Variants in AP1M1 observed in about 807,000 individuals in gnomAD.
The protein encoded by AP1M1 is AP-1 complex subunit mu-1.
A neutral mutation model predicts 57.1 loss-of-function variants in AP1M1; 18 were observed. That is an observed-to-expected ratio of 0.32 (90% CI 0.22 to 0.47). AP1M1 has a LOEUF of 0.47. Ranked by LOEUF, AP1M1 falls within the 20% of genes least tolerant of loss-of-function variation. The probability of loss-of-function intolerance (pLI) is 1.00; values close to 1 mark genes in which losing one functional copy is unlikely to be tolerated. For synonymous variants in AP1M1, 241 were observed against 237.9 expected, an observed-to-expected ratio of 1.01 and a Z score of -0.12; for missense variants, 362 against 593.5, an observed-to-expected ratio of 0.61 and a Z score of 4.05.
chr19:16,213,222 C>G (rs893958760), intron 5 of AP1M1, among the ~76,000 whole-genome samples: 2 of 152,198 alleles, frequency 1.3e-5, no homozygotes, highest in Non-Finnish European at 2.9e-5. Context: ...GTGTGGGAGT[C>G]TAAGTCTCTT....
chr19:16,211,116 A>G (rs913629165), intron 5 of AP1M1, among the ~76,000 whole-genome samples: 8 of 140,950 alleles, frequency 5.7e-5, no homozygotes, highest in African/African-American at 1.9e-4. Context: ...TTTTTTTTCG[A>G]CAGAGTCTCA....
At chr19:16,215,700 G>C (rs1287454673) in intron 5 of AP1M1, among the ~76,000 whole-genome samples, 1 of 151,962 alleles carries the variant, frequency 6.6e-6, no homozygotes, top group African/African-American at 2.4e-5. Context: ...CCCTGATTTT[G>C]AATATTGGCC....
intron 9 of AP1M1, among the ~76,000 whole-genome samples, chr19:16,231,605 T>C (rs533443894): frequency 7.8e-6 from 1 of 127,962 alleles, no homozygotes; most frequent in African/African-American, 2.6e-5. Flanking sequence ...AATTTGTGTA[T>C]TTTTAGTAGA....
At position 16,240,067 on chromosome 19, in the gene AP1M1, T is replaced by A. The variant is rs1028803609; in HGVS notation, c.*5632T>A. Reference sequence around the variant, plus strand: ...TCATTATTCCTTAAATAATACAGTATAATGATTATGTAGCATCTACATTGT... The same window carrying A: ...TCATTATTCCTTAAATAATACAGTAAAATGATTATGTAGCATCTACATTGT... On this transcript the variant is annotated 3_prime_UTR_variant, in exon 12 of 12. Coordinates refer to ENST00000291439, the MANE Select transcript of AP1M1 (RefSeq NM_032493.4). The A allele has an allele frequency of 3.9e-5, 6 of 152,226 alleles. No homozygotes were observed. The highest frequency in any genetic ancestry group is 1.4e-4 in the African/African-American group (6 of 41,464). The allele number at this position is 152,226 out of a possible 1,614,324, so 9.4% of individuals were successfully genotyped here.
At chr19:16,208,319 C>T (rs189065031) in intron 4 of AP1M1, 170 bp downstream of exon 4, 36 of 649,372 alleles carry the variant, frequency 5.5e-5, no homozygotes, top group Non-Finnish European at 8.2e-5. Context: ...GGTTTTAATT[C>T]GTTTCCTCCT....
chr19:16,222,215 T>A (rs2091548878), intron 5 of AP1M1, among the ~76,000 whole-genome samples: 3 of 148,802 alleles, frequency 2.0e-5, no homozygotes, highest in South Asian at 2.1e-4. Flanking sequence ...ATTATTATTT[T>A]TTTTTTTTTT....
chr19:16,205,241 C>T (rs2091464634), intron 2 of AP1M1, among the ~76,000 whole-genome samples: 2 of 152,140 alleles, frequency 1.3e-5, no homozygotes, highest in Admixed American at 6.5e-5. Flanking sequence ...AGATCAGTTT[C>T]TGGTTGGGCC....
rs527609556 is a variant in AP1M1 at position 16,238,348 on chromosome 19, A to G, written c.*3913A>G. On this transcript the variant is annotated 3_prime_UTR_variant, in exon 12 of 12. Transcript: ENST00000291439. ...CATGATAGCAGGAAATTGGAAAGCA[A>G]CCAAAAGTCCTTCAATAGGAAAAGG... The G allele has an allele frequency of 6.6e-6, 1 of 152,362 alleles. No individual in the cohort carries two copies. The highest frequency in any genetic ancestry group is 1.9e-4 in the East Asian group (1 of 5,190). 9.4% of individuals were successfully genotyped at this position (152,362 alleles called of 1,614,324 possible).
intron 1 of AP1M1, among the ~76,000 whole-genome samples, chr19:16,201,090 C>T (rs1471634801): frequency 6.6e-6 from 1 of 152,194 alleles, no homozygotes. Context: ...TTCAGTGATG[C>T]CATCACCCAT....
chr19:16,241,221 CAG>C lies in AP1M1; in HGVS notation c.*6788_*6789del, dbSNP rs1231115942. On this transcript the variant is annotated 3_prime_UTR_variant, in exon 12 of 12. Coordinates refer to ENST00000291439, the MANE Select transcript of AP1M1 (RefSeq NM_032493.4). Reference sequence around the variant, plus strand: ...CAGCTACTTGGGAGACTGAGGCAGACAGAATTGCTTGAACCAGGGAGACAGAG... The same window carrying C: ...CAGCTACTTGGGAGACTGAGGCAGACAATTGCTTGAACCAGGGAGACAGAG... The C allele has an allele frequency of 4.6e-5, 7 of 150,644 alleles. No individual in the cohort carries two copies. Among genetic ancestry groups the C allele is most frequent in the African/African-American group, 1.7e-4 (7 of 40,968 alleles). The allele number at this position is 150,644 out of a possible 1,614,324, so 9.3% of individuals were successfully genotyped here.
intron 1 of AP1M1, among the ~76,000 whole-genome samples, chr19:16,201,555 C>A (rs547309161): frequency 1.3e-5 from 2 of 151,890 alleles, no homozygotes; most frequent in African/African-American, 4.8e-5. Flanking sequence ...TGCACCACCA[C>A]GCCTGGCTAA....
rs765423378 is a variant in AP1M1 at position 16,197,989 on chromosome 19, A to G, written c.-38A>G. ...AGTCCCCACCGTCGCTGCCGCCGCC[A>G]CCGCCCTCGGCCGCTGCCGAGGCCT... On this transcript the variant is annotated 5_prime_UTR_variant, in exon 1 of 12. Transcript: ENST00000291439. 3.9e-6 allele frequency: 6 copies of G among 1,545,398 alleles called. No homozygotes were observed. The East Asian group carries it at 1.3e-4, about 34-fold the overall frequency.
At position 16,203,406 on chromosome 19, in the gene AP1M1, C is replaced by G; in HGVS notation, c.43-53C>G. On this transcript the variant is annotated intron_variant, in intron 1 of 11. Coordinates refer to ENST00000291439, the MANE Select transcript of AP1M1 (RefSeq NM_032493.4). This position sits in a 1 kb window ranked among gnomAD's most constrained non-coding sequence, Gnocchi z 4.6. ...CATCTCACCCCCTGCCCCAAGCCCC[C>G]AGATTGTAGAACTGAAAATGCAAGC... 6.2e-7 allele frequency: 1 copy of G among 1,606,940 alleles called. No homozygotes were observed. The highest frequency in any genetic ancestry group is 8.5e-7 in the Non-Finnish European group (1 of 1,174,056).
Position 16,220,454 on chromosome 19 carries a change from G to A in AP1M1, c.547-5967G>A, listed in dbSNP as rs367763200. On this transcript the variant is annotated intron_variant, in intron 5 of 11. Coordinates refer to ENST00000291439, the MANE Select transcript of AP1M1 (RefSeq NM_032493.4). ...CACCCAGGCTGGAGTGCAGTGGCGC[G>A]ATTACAGCTCACCGCAACCTCTGCC... 1.1e-4 allele frequency among the ~76,000 whole-genome samples: 17 copies of A among 152,114 alleles called. No homozygotes were observed. The East Asian group carries it at 2.9e-3, about 26-fold the overall frequency.
intron 9 of AP1M1, among the ~76,000 whole-genome samples, chr19:16,231,374 T>C (rs2091596846): frequency 6.6e-6 from 1 of 151,326 alleles, no homozygotes; most frequent in African/African-American, 2.4e-5. Flanking sequence ...CTTTCTTAGA[T>C]TGCTCCATAC....
Position 16,239,203 on chromosome 19 carries a change from G to T in AP1M1, c.*4768G>T, listed in dbSNP as rs1470558831. The T allele has an allele frequency of 7.1e-6, 1 of 141,396 alleles. No individual in the cohort carries two copies. Among genetic ancestry groups the T allele is most frequent in the African/African-American group, 2.6e-5 (1 of 38,034 alleles). The allele number at this position is 141,396 out of a possible 1,614,324, so 8.8% of individuals were successfully genotyped here. A position where few individuals can be genotyped will look rare whatever the true frequency, so the allele number is the denominator to read the frequency against. On this transcript the variant is annotated 3_prime_UTR_variant, in exon 12 of 12. Transcript: ENST00000291439. The stretch of plus-strand genomic sequence containing the variant: ...CCCCCTCACCTTCCCAAAGTGCTGG[G>T]ATTACAGGCATGAGCCACCGCGCCC...
chr19:16,207,522 G>A lies in AP1M1; in HGVS notation c.268-497G>A, dbSNP rs12983502. ...TTGGGCTGTGCCTTTCTGTTTTAGTGACGCTCCTTCCTTCAGCATTTGTGC... is the reference window on the plus strand; with the variant it reads ...TTGGGCTGTGCCTTTCTGTTTTAGTAACGCTCCTTCCTTCAGCATTTGTGC... On this transcript the variant is annotated intron_variant, in intron 3 of 11. Coordinates refer to ENST00000291439, the MANE Select transcript of AP1M1 (RefSeq NM_032493.4). This position sits in a 1 kb window ranked among gnomAD's most constrained non-coding sequence, Gnocchi z 4.2. Among the ~76,000 whole-genome samples the A allele has an allele frequency of 0.66, 100,053 of 151,950 alleles. 35,192 individuals are homozygous for A. The highest frequency in any genetic ancestry group is 0.8 in the Non-Finnish European group (54,150 of 67,980).
intron 5 of AP1M1, 52 bp from the exon 6 acceptor site, chr19:16,226,369 C>A (rs2091571157): frequency 6.7e-7 from 1 of 1,501,764 alleles, no homozygotes; most frequent in Non-Finnish European, 8.9e-7. Context: ...TGGTAGGAGG[C>A]AGTGGCTGGT....
intron 1 of AP1M1, among the ~76,000 whole-genome samples, chr19:16,199,929 T>C (rs1212507089): frequency 6.6e-6 from 1 of 152,146 alleles, no homozygotes; most frequent in Non-Finnish European, 1.5e-5. Flanking sequence ...ATTGGCGCCA[T>C]GGCTGTGGTG....
Sources: gnomAD v4.1 joint callset for allele counts (sites outside exome capture counted in the v4.1 genomes callset) on GRCh38, gnomAD v4.1.1 for gene constraint, Gnocchi (gnomAD v3.1) non-coding constraint, MANE v1.5 for transcripts, NCBI Gene and HGNC (gene_info 2026-07-23, HGNC 2026-07-21) for gene names.